Variants in TCERG1 observed in about 807,000 individuals in gnomAD.
TCERG1 encodes the protein transcription elongation regulator 1, also known as TATA box binding protein (TBP)-associated factor, RNA polymerase II, S, 150kD.
Under a neutral mutation model 144.7 loss-of-function variants are expected in TCERG1, and 37 were observed. The ratio of observed to expected loss-of-function variants is 0.26; its 90% CI spans 0.20 to 0.34. The LOEUF (loss-of-function observed/expected upper bound fraction) is 0.34. TCERG1 is among the 10% of genes least tolerant of loss of function. The probability of loss-of-function intolerance (pLI) is 1.00; values close to 1 mark genes in which losing one functional copy is unlikely to be tolerated. For synonymous variants in TCERG1, 492 were observed against 458.2 expected, an observed-to-expected ratio of 1.07 and a Z score of -0.94; for missense variants, 1,027 against 1,380.7, an observed-to-expected ratio of 0.74 and a Z score of 4.06.
chr5:146,504,941 G>A (rs1767815273), intron 19 of TCERG1, among the ~76,000 whole-genome samples: 1 of 152,268 alleles, frequency 6.6e-6, no homozygotes, highest in Middle Eastern at 3.4e-3. Context: ...AGCTACTTGG[G>A]AGGCTGAGGC....
intron 4 of TCERG1, among the ~76,000 whole-genome samples, chr5:146,461,620 CCAT>C (rs2150300039): frequency 6.6e-6 from 1 of 152,248 alleles, no homozygotes; most frequent in East Asian, 1.9e-4. Flanking sequence ...TTTGTCATCT[CCAT>C]TGGTGTTCTT....
chr5:146,460,029 T>G (rs2150279200), intron 4 of TCERG1, among the ~76,000 whole-genome samples: 1 of 152,134 alleles, frequency 6.6e-6, no homozygotes, highest in East Asian at 1.9e-4. Flanking sequence ...TGGTGTTGGT[T>G]TTTTGGGTGG....
At chr5:146,482,809 G>T in intron 14 of TCERG1, 82 bp downstream of exon 14, 1 of 1,427,046 alleles carries the variant, frequency 7.0e-7, no homozygotes, top group Admixed American at 2.4e-5. Context: ...CAAATCTAAG[G>T]TTAGTGCTCA....
chr5:146,488,389 A>T (rs1341151499), intron 15 of TCERG1, among the ~76,000 whole-genome samples: 1 of 152,144 alleles, frequency 6.6e-6, no homozygotes, highest in Non-Finnish European at 1.5e-5. Flanking sequence ...ATCCCAACAG[A>T]AAAAAACAGA....
intron 1 of TCERG1, among the ~76,000 whole-genome samples, chr5:146,450,243 C>T (rs1762236438): frequency 6.6e-6 from 1 of 152,034 alleles, no homozygotes; most frequent in Non-Finnish European, 1.5e-5. Context: ...CTGTAGAGGC[C>T]AGAAGTGGGA....
chr5:146,480,170 A>G, intron 12 of TCERG1, 76 bp downstream of exon 12: 1 of 1,129,444 alleles, frequency 8.9e-7, no homozygotes, highest in Non-Finnish European at 1.3e-6. Context: ...TGTGATTGGA[A>G]GGGACAGGTA....
At chr5:146,455,562 T>C (rs944687546) in intron 2 of TCERG1, among the ~76,000 whole-genome samples, 1 of 152,250 alleles carries the variant, frequency 6.6e-6, no homozygotes, top group African/African-American at 2.4e-5. Context: ...GCTTTAGTAA[T>C]GCATCTTCTT....
At position 146,507,875 on chromosome 5, in the gene TCERG1, T is replaced by C; in HGVS notation, c.2964T>C (p.Ile988=). 5 of 1,605,446 alleles carry C rather than the reference T, an allele frequency of 3.1e-6. No individual in the cohort carries two copies. Among genetic ancestry groups the C allele is most frequent in the Non-Finnish European group, 4.3e-6 (5 of 1,175,228 alleles). ...TTTTTATTCATGTCTTTTCAAAGAT[T>C]ACCTTAACATCCACGTGGAAAGAAG... ...FRQLLDETSA[I]TLTSTWKEVK... The change falls in exon 21 of 23, where the codon ATT becomes ATC. Residue 988 remains isoleucine, a splice_region_variant and synonymous_variant. Transcript: ENST00000679501. This position sits in a 1 kb window ranked among gnomAD's most constrained non-coding sequence, Gnocchi z 4.6.
chr5:146,459,072 T>TCAGGCCCAGGCC lies in TCERG1; in HGVS notation c.654_665dup (p.Ala239_Gln242dup). On this transcript the variant is annotated inframe_insertion, in exon 4 of 23. Coordinates refer to ENST00000679501, the MANE Select transcript of TCERG1 (RefSeq NM_001382548.1). ...CACAAGCTCAGGCCCAGGCTCAGGC[T>TCAGGCCCAGGCC]CAGGCCCAGGCCCAGGCCCAGGCCC... 0.017 allele frequency: 27,430 copies of TCAGGCCCAGGCC among 1,603,576 alleles called. 323 individuals carry two copies. Among genetic ancestry groups the TCAGGCCCAGGCC allele is most frequent in the Non-Finnish European group, 0.021 (24,121 of 1,173,916 alleles).
chr5:146,495,411 C>T (rs1766798299), intron 16 of TCERG1, among the ~76,000 whole-genome samples: 1 of 152,102 alleles, frequency 6.6e-6, no homozygotes, highest in Non-Finnish European at 1.5e-5. Flanking sequence ...CTTAATTTAT[C>T]ATGAAAATAA....
intron 22 of TCERG1, among the ~76,000 whole-genome samples, chr5:146,509,558 A>C (rs1768293571): frequency 6.7e-6 from 1 of 149,562 alleles, no homozygotes; most frequent in South Asian, 2.1e-4. Context: ...ATTGTATTTC[A>C]TGAAGAGACT....
chr5:146,486,846 A>C (rs35235927), intron 15 of TCERG1, among the ~76,000 whole-genome samples: 1 of 152,146 alleles, frequency 6.6e-6, no homozygotes, highest in Non-Finnish European at 1.5e-5. Flanking sequence ...AGGCCAAGGC[A>C]GGCGGATCAC....
chr5:146,468,910 T>C (rs1764030815), intron 6 of TCERG1, among the ~76,000 whole-genome samples: 1 of 151,986 alleles, frequency 6.6e-6, no homozygotes, highest in Admixed American at 6.5e-5. Context: ...GATTCACATA[T>C]CCTTATTTTA....
intron 15 of TCERG1, among the ~76,000 whole-genome samples, chr5:146,486,877 C>A (rs1485007299): frequency 2.0e-5 from 3 of 152,116 alleles, no homozygotes; most frequent in Admixed American, 6.5e-5. Context: ...GAGTTCGAGA[C>A]CAGCCTGGCC....
At chr5:146,464,848 A>G (rs936679076) in intron 5 of TCERG1, among the ~76,000 whole-genome samples, 2 of 152,172 alleles carry the variant, frequency 1.3e-5, no homozygotes, top group Non-Finnish European at 2.9e-5. Context: ...CACACATCTT[A>G]ATTATCACTA....
At chr5:146,454,790 G>T (rs989176164) in intron 1 of TCERG1, among the ~76,000 whole-genome samples, 6 of 152,028 alleles carry the variant, frequency 3.9e-5, no homozygotes, top group African/African-American at 9.7e-5. Context: ...TAGAGATGGG[G>T]TTTCACCATG....
intron 16 of TCERG1, among the ~76,000 whole-genome samples, chr5:146,493,943 A>C (rs779495275): frequency 6.6e-6 from 1 of 152,102 alleles, no homozygotes; most frequent in African/African-American, 2.4e-5. Flanking sequence ...TAAATAGTTA[A>C]TTTTGTCTGT....
In TCERG1 at chr5:146,447,339, G is replaced by A. The variant is rs1414887648; in HGVS notation, c.-11G>A. 3 of 1,611,532 alleles carry A rather than the reference G, an allele frequency of 1.9e-6. No homozygotes were observed. In the South Asian group the frequency reaches 3.3e-5, roughly 18 times the overall value. On this transcript the variant is annotated 5_prime_UTR_variant, in exon 1 of 23. Coordinates refer to ENST00000679501, the MANE Select transcript of TCERG1 (RefSeq NM_001382548.1). ...GTCGGGTCGGCGGGTGGATGAACGC[G>A]GCCCTCTGTAATGGCGGAGCGTGGC...
chr5:146,480,354 T>C (rs1765237530), intron 12 of TCERG1: 1 of 242,136 alleles, frequency 4.1e-6, no homozygotes, highest in Admixed American at 5.2e-5. Context: ...TTTGGAAATT[T>C]ATTAGGTCTC....
Sources: gnomAD v4.1 joint callset for allele counts (sites outside exome capture counted in the v4.1 genomes callset) on GRCh38, gnomAD v4.1.1 for gene constraint, Gnocchi (gnomAD v3.1) non-coding constraint, MANE v1.5 for transcripts, NCBI Gene and HGNC (gene_info 2026-07-23, HGNC 2026-07-21) for gene names.